The following PCDHA3 variants were observed in gnomAD, a reference collection of about 807,000 sequenced individuals.
PCDHA3 encodes protocadherin alpha-3.
In PCDHA3, 41 loss-of-function variants were observed where a neutral mutation model predicts 62.2. The observed-to-expected ratio is 0.66, with a 90% CI of 0.51 to 0.86. The LOEUF (loss-of-function observed/expected upper bound fraction) is 0.86. PCDHA3 is among the 40% of genes least tolerant of loss of function. The probability of loss-of-function intolerance (pLI) is 0.00; values close to 1 mark genes in which losing one functional copy is unlikely to be tolerated. For synonymous variants in PCDHA3, 640 were observed against 555.4 expected (o/e 1.15, Z -2.14); for missense variants, 1,304 against 1,241.2 (o/e 1.05, Z -0.76).
chr5:141,008,597 C>T (rs1485271666), intron 3 of PCDHA3, among the ~76,000 whole-genome samples: 1 of 152,224 alleles, frequency 6.6e-6, no homozygotes, highest in East Asian at 1.9e-4. Flanking sequence ...GATTTCACCT[C>T]CTCTGGAACC....
intron 1 of PCDHA3, chr5:140,927,088 T>C (rs1554204002): frequency 6.2e-7 from 1 of 1,612,662 alleles, no homozygotes; most frequent in Admixed American, 1.7e-5. Context: ...CGAGCTCTAC[T>C]TCGGGGTGGA....
chr5:140,970,096 T>C (rs2096383552), intron 1 of PCDHA3, among the ~76,000 whole-genome samples: 1 of 152,066 alleles, frequency 6.6e-6, no homozygotes, highest in South Asian at 2.1e-4. Flanking sequence ...GGGGGGATGG[T>C]GAAGACCAAG....
intron 1 of PCDHA3, chr5:140,863,957 G>A (rs2048253350): frequency 6.4e-6 from 1 of 157,074 alleles, no homozygotes; most frequent in Non-Finnish European, 1.4e-5. Flanking sequence ...GCCTAGATTA[G>A]GCCACTGCAC....
chr5:140,951,144 T>C (rs1052192456), intron 1 of PCDHA3, among the ~76,000 whole-genome samples: 3 of 100,560 alleles, frequency 3.0e-5, no homozygotes, highest in Non-Finnish European at 6.0e-5. Context: ...CTTTATCTTA[T>C]TGAATATAGT....
Position 141,010,284 on chromosome 5 carries a change from A to G in PCDHA3, c.*347A>G. 6.4e-7 allele frequency: 1 copy of G among 1,551,156 alleles called. No homozygotes were observed. Among genetic ancestry groups the G allele is most frequent in the Non-Finnish European group, 8.7e-7 (1 of 1,146,860 alleles). On this transcript the variant is annotated 3_prime_UTR_variant, in exon 4 of 4. Coordinates refer to ENST00000522353, the MANE Select transcript of PCDHA3 (RefSeq NM_018906.3). ...GCTCCGGGGATCCTGTCTTGATGACACTTGCAGGGCAGGCTGAAAAGTTTT... is the reference window on the plus strand; with the variant it reads ...GCTCCGGGGATCCTGTCTTGATGACGCTTGCAGGGCAGGCTGAAAAGTTTT...
In PCDHA3 at chr5:140,993,461, CT is replaced by C. The variant is rs1554253717; in HGVS notation, c.2542+10899del. 2.8e-3 allele frequency among the ~76,000 whole-genome samples: 284 copies of C among 103,272 alleles called. 3 individuals are homozygous for C. Among genetic ancestry groups the C allele is most frequent in the African/African-American group, 0.011 (251 of 22,630 alleles). 67.8% of individuals were successfully genotyped at this position (103,272 alleles called of 152,430 possible). ...TCATTCCTGTTCTCCTTCTTTCTTTCTCACACACACACACACACACACACAC... is the reference window on the plus strand; with the variant it reads ...TCATTCCTGTTCTCCTTCTTTCTTTCCACACACACACACACACACACACAC... On this transcript the variant is annotated intron_variant, in intron 3 of 3. Coordinates refer to ENST00000522353, the MANE Select transcript of PCDHA3 (RefSeq NM_018906.3).
chr5:140,992,235 G>A (rs1272038759), intron 3 of PCDHA3, among the ~76,000 whole-genome samples: 7 of 152,154 alleles, frequency 4.6e-5, no homozygotes, highest in African/African-American at 1.7e-4. Flanking sequence ...GGAAGAGTAA[G>A]GAAGGAAGTA....
intron 1 of PCDHA3, chr5:140,843,171 G>A: frequency 6.3e-7 from 1 of 1,596,072 alleles, no homozygotes; most frequent in Non-Finnish European, 8.6e-7. Context: ...GCTGCAAGCA[G>A]CCCTCGCATC....
At chr5:140,979,399 G>T (rs1352440599) in intron 2 of PCDHA3, among the ~76,000 whole-genome samples, 1 of 151,708 alleles carries the variant, frequency 6.6e-6, no homozygotes. Flanking sequence ...CATACATGTT[G>T]TCTACCTTGT....
chr5:140,954,209 T>C (rs2094996699), intron 1 of PCDHA3, among the ~76,000 whole-genome samples: 1 of 152,218 alleles, frequency 6.6e-6, no homozygotes, highest in Non-Finnish European at 1.5e-5. Context: ...GTTGATCCCA[T>C]GTTTTTGCTA....
intron 1 of PCDHA3, among the ~76,000 whole-genome samples, chr5:140,872,820 T>C (rs1233972983): frequency 6.6e-6 from 1 of 152,216 alleles, no homozygotes; most frequent in African/African-American, 2.4e-5. Flanking sequence ...TTCAGATTCA[T>C]CTAGCAGAGA....
chr5:141,000,027 A>G (rs782393146), intron 3 of PCDHA3, among the ~76,000 whole-genome samples: 4 of 152,048 alleles, frequency 2.6e-5, no homozygotes, highest in Non-Finnish European at 5.9e-5. Flanking sequence ...TAAGCCTGAC[A>G]TCCAATCACA....
At chr5:140,926,538 G>T (rs155362) in intron 1 of PCDHA3, 176,859 of 210,462 alleles carry the variant, frequency 0.84, 75,003 homozygotes, top group African/African-American at 0.96. Context: ...CAGCCAGCGT[G>T]GTGGTCGAGA....
At chr5:140,931,507 T>C (rs564431042) in intron 1 of PCDHA3, among the ~76,000 whole-genome samples, 1 of 152,016 alleles carries the variant, frequency 6.6e-6, no homozygotes, top group African/African-American at 2.4e-5. Flanking sequence ...TTTAAACATA[T>C]ATGAATGATT....
intron 1 of PCDHA3, chr5:140,836,942 A>C: frequency 2.2e-6 from 1 of 454,226 alleles, no homozygotes; most frequent in Non-Finnish European, 3.8e-6. Flanking sequence ...CTATAGATCA[A>C]AATCTATGGT....
At position 140,802,114 on chromosome 5, in the gene PCDHA3, G is replaced by T. The variant is rs370933207; in HGVS notation, c.917G>T (p.Gly306Val). The change falls in exon 1 of 4, where the codon GGT (glycine) becomes GTT (valine). Residue 306 changes from glycine to valine, a missense_variant. Physicochemically the swap from Gly to Val is moderately radical, Grantham distance 109. Coordinates refer to ENST00000522353, the MANE Select transcript of PCDHA3 (RefSeq NM_018906.3). ...DPVNGQISVKGNIDFEESKSY... is the reference protein window; with the variant it reads ...DPVNGQISVKVNIDFEESKSY... ...GTCAATGGACAAATCAGTGTAAAGG[G>T]TAACATAGATTTCGAGGAAAGTAAG... is the stretch of plus-strand genomic sequence containing the variant. 11 of 1,614,082 alleles carry T rather than the reference G, an allele frequency of 6.8e-6. No homozygotes were observed. The African/African-American group carries it at 1.2e-4, about 18-fold the overall frequency.
intron 1 of PCDHA3, among the ~76,000 whole-genome samples, chr5:140,906,909 G>A (rs1477484139): frequency 1.3e-5 from 2 of 152,174 alleles, no homozygotes; most frequent in Admixed American, 6.5e-5. Flanking sequence ...TTAAAGGTAG[G>A]AGGAGCCCAA....
At chr5:140,895,647 C>A (rs954657912) in intron 1 of PCDHA3, among the ~76,000 whole-genome samples, 2 of 151,996 alleles carry the variant, frequency 1.3e-5, no homozygotes, top group African/African-American at 4.8e-5. Flanking sequence ...TTTTTAGCTC[C>A]CACTTATAAG....
chr5:140,803,127 C>T lies in PCDHA3; in HGVS notation c.1930C>T (p.Arg644Cys), dbSNP rs386352345. ...TRALDEVDAP[R>C]HRLLVLVKDH... ...TGCCCTGGACGAGGTGGACGCCCCG[C>T]GCCATCGCCTACTGGTGCTGGTGAA... is the stretch of plus-strand genomic sequence containing the variant. The change falls in exon 1 of 4, where the codon CGC (arginine) becomes TGC (cysteine). Residue 644 changes from arginine (R) to cysteine (C), a missense_variant. By Grantham distance (180) the Arg-to-Cys change is radical. Transcript: ENST00000522353. 1.2e-6 allele frequency: 2 copies of T among 1,613,838 alleles called. No individual in the cohort carries two copies. Among genetic ancestry groups the T allele is most frequent in the African/African-American group, 1.3e-5 (1 of 75,068 alleles).
Sources: allele counts gnomAD v4.1 joint callset (sites outside exome capture counted in the v4.1 genomes callset), GRCh38; gene constraint gnomAD v4.1.1; transcripts MANE v1.5; gene names NCBI Gene and HGNC (gene_info 2026-07-23, HGNC 2026-07-21).